Variants in PDE1A observed in about 807,000 individuals in gnomAD.
PDE1A encodes the protein dual specificity calcium/calmodulin-dependent 3',5'-cyclic nucleotide phosphodiesterase 1A.
PDE1A carries 35 observed loss-of-function variants against 61.7 expected under a neutral mutation model. The observed-to-expected ratio is 0.57, with a 90% CI of 0.43 to 0.75. The LOEUF is 0.75. Ranked by LOEUF, PDE1A falls within the 30% of genes least tolerant of loss-of-function variation. The probability of loss-of-function intolerance (pLI) is 0.00; values close to 1 mark genes in which losing one functional copy is unlikely to be tolerated. For missense variants in PDE1A, 597 were observed against 630.6 expected, an observed-to-expected ratio of 0.95 and a Z score of 0.57; for synonymous variants, 232 against 213.2, an observed-to-expected ratio of 1.09 and a Z score of -0.77.
the PDE1A span, among the ~76,000 whole-genome samples, chr2:182,677,970 G>C: frequency 6.6e-6 from 1 of 152,160 alleles, no homozygotes; most frequent in African/African-American, 2.4e-5. Flanking sequence ...AATAGGAATA[G>C]ATAGAAACTT....
At chr2:182,645,853 C>G in the PDE1A span, among the ~76,000 whole-genome samples, 1 of 152,094 alleles carries the variant, frequency 6.6e-6, no homozygotes, top group Admixed American at 6.5e-5. Context: ...TAAATATTAC[C>G]TCCCTCCTCA....
chr2:182,603,938 CTAA>C, the PDE1A span, among the ~76,000 whole-genome samples: 3 of 151,944 alleles, frequency 2.0e-5, no homozygotes, highest in Non-Finnish European at 4.4e-5. Context: ...TCTCAACCTA[CTAA>C]TACTTCATTG....
the PDE1A span, among the ~76,000 whole-genome samples, chr2:182,588,984 A>G: frequency 6.6e-6 from 1 of 151,018 alleles, no homozygotes; most frequent in Non-Finnish European, 1.5e-5. Flanking sequence ...CAGAGGTTGC[A>G]CTGAGCCGAG....
intron 1 of PDE1A, among the ~76,000 whole-genome samples, chr2:182,346,360 C>T (rs760328446): frequency 9.2e-5 from 14 of 151,874 alleles, no homozygotes; most frequent in African/African-American, 2.7e-4. Flanking sequence ...AGAAAAAATA[C>T]GGTAGAACTA....
At chr2:182,547,622 A>G in the PDE1A span, among the ~76,000 whole-genome samples, 2 of 152,354 alleles carry the variant, frequency 1.3e-5, no homozygotes, top group African/African-American at 4.8e-5. Flanking sequence ...TAGGAAGTGT[A>G]CATAGGCAAA....
the PDE1A span, among the ~76,000 whole-genome samples, chr2:182,605,288 T>C: frequency 1.3e-5 from 2 of 152,068 alleles, no homozygotes; most frequent in Admixed American, 1.3e-4. Flanking sequence ...GCTTTCCTCT[T>C]CCTACACTAG....
intron 1 of PDE1A, among the ~76,000 whole-genome samples, chr2:182,409,799 T>A (rs565797778): frequency 3.5e-4 from 53 of 152,220 alleles, no homozygotes; most frequent in Non-Finnish European, 6.5e-4. Context: ...ATGTACCATA[T>A]GGTCTATTAG....
intron 1 of PDE1A, among the ~76,000 whole-genome samples, chr2:182,375,151 C>A (rs1700325713): frequency 1.3e-5 from 2 of 152,170 alleles, no homozygotes; most frequent in Non-Finnish European, 2.9e-5. Context: ...CAAACCACAT[C>A]ATTCTGCCCC....
At chr2:182,251,391 T>C (rs1440749543) in intron 2 of PDE1A, among the ~76,000 whole-genome samples, 1 of 76,428 alleles carries the variant, frequency 1.3e-5, no homozygotes, top group Admixed American at 1.3e-4. Context: ...TTTCTAATGG[T>C]CTCTCTGTTT....
intron 1 of PDE1A, among the ~76,000 whole-genome samples, chr2:182,323,397 G>A (rs1049810218): frequency 2.6e-5 from 4 of 152,180 alleles, no homozygotes; most frequent in East Asian, 1.9e-4. Flanking sequence ...CTAAAGAGAA[G>A]TTCTTCATTA....
intron 2 of PDE1A, among the ~76,000 whole-genome samples, chr2:182,485,082 A>G (rs1416050422): frequency 1.3e-5 from 2 of 152,122 alleles, no homozygotes; most frequent in Non-Finnish European, 2.9e-5. Flanking sequence ...TCACTGTAGC[A>G]CTATTCATAA....
chr2:182,659,710 TG>T, the PDE1A span, among the ~76,000 whole-genome samples: 1 of 152,254 alleles, frequency 6.6e-6, no homozygotes, highest in Non-Finnish European at 1.5e-5. Flanking sequence ...TCACCAACCT[TG>T]GTATTCCTTT....
At chr2:182,169,944 C>CCTCTCTCT (rs772122359) in intron 13 of PDE1A, among the ~76,000 whole-genome samples, 1 of 118,994 alleles carries the variant, frequency 8.4e-6, no homozygotes, top group African/African-American at 2.8e-5. Context: ...ACACACTCTC[C>CCTCTCTCT]CTCTCTCTCT....
intron 1 of PDE1A, among the ~76,000 whole-genome samples, chr2:182,367,927 A>T (rs1699924393): frequency 1.3e-5 from 2 of 152,084 alleles, no homozygotes. Flanking sequence ...TGGTAGATAA[A>T]TATATACCCA....
chr2:182,261,771 A>G (rs1692234140), intron 2 of PDE1A, among the ~76,000 whole-genome samples: 1 of 152,220 alleles, frequency 6.6e-6, no homozygotes, highest in Admixed American at 6.5e-5. Context: ...AAAAATGAAT[A>G]AATAAATAAA....
At chr2:182,196,772 G>A (rs1004745146) in intron 10 of PDE1A, among the ~76,000 whole-genome samples, 5 of 151,648 alleles carry the variant, frequency 3.3e-5, no homozygotes, top group African/African-American at 1.2e-4. Context: ...CATTGTTGCT[G>A]GATATTCCAT....
intron 1 of PDE1A, among the ~76,000 whole-genome samples, chr2:182,331,200 T>C (rs1004348622): frequency 4.6e-5 from 7 of 152,206 alleles, no homozygotes; most frequent in African/African-American, 1.7e-4. Context: ...TCATACTGAC[T>C]TGAATCTTGA....
the PDE1A span, among the ~76,000 whole-genome samples, chr2:182,533,049 G>A: frequency 6.7e-6 from 1 of 149,396 alleles, no homozygotes; most frequent in Non-Finnish European, 1.5e-5. Context: ...GCGCGGCTCA[G>A]TCCTGTAAAC....
the PDE1A span, among the ~76,000 whole-genome samples, chr2:182,547,523 T>C: frequency 1.3e-5 from 2 of 152,232 alleles, no homozygotes; most frequent in East Asian, 3.8e-4. Context: ...TTGTTTTTAT[T>C]AATCAGGCCA....
Sources: gnomAD v4.1 joint callset for allele counts (sites outside exome capture counted in the v4.1 genomes callset) on GRCh38, gnomAD v4.1.1 for gene constraint, MANE v1.5 for transcripts, NCBI Gene and HGNC (gene_info 2026-07-23, HGNC 2026-07-21) for gene names.